The following DCLK3 variants were observed in gnomAD, a reference collection of about 807,000 sequenced individuals.
DCLK3 encodes the protein doublecortin like kinase 3.
A neutral mutation model predicts 46.4 loss-of-function variants in DCLK3; 30 were observed. The observed-to-expected ratio is 0.65, with a 90% CI of 0.48 to 0.88. The LOEUF (loss-of-function observed/expected upper bound fraction) is 0.88. DCLK3 is among the 40% of genes least tolerant of loss of function. DCLK3 has a pLI of 0.00. For synonymous variants in DCLK3, 401 were observed against 339.2 expected, an observed-to-expected ratio of 1.18 and a Z score of -2.00; for missense variants, 846 against 907.1, an observed-to-expected ratio of 0.93 and a Z score of 0.87.
chr3:36,743,995 C>T (rs1187405289), intron 1 of DCLK3, among the ~76,000 whole-genome samples: 2 of 152,214 alleles, frequency 1.3e-5, no homozygotes, highest in Admixed American at 6.5e-5. Flanking sequence ...AGCACAAATG[C>T]CTGAGACCAA....
chr3:36,744,751 C>A (rs1701379219), intron 1 of DCLK3, among the ~76,000 whole-genome samples: 1 of 152,158 alleles, frequency 6.6e-6, no homozygotes, highest in African/African-American at 2.4e-5. Context: ...CTAAATGTGA[C>A]CCAGCAGGAT....
intron 4 of DCLK3, among the ~76,000 whole-genome samples, chr3:36,716,480 T>TC (rs1700981675): frequency 6.6e-6 from 1 of 151,956 alleles, no homozygotes; most frequent in African/African-American, 2.4e-5. Flanking sequence ...GCCACATCAC[T>TC]CCCTCAGGGT....
chr3:36,729,901 G>A (rs1468874538), intron 2 of DCLK3: 1 of 152,356 alleles, frequency 6.6e-6, no homozygotes, highest in Non-Finnish European at 1.5e-5. Flanking sequence ...CACAGGCCAG[G>A]TGCAGTGGCT....
rs1700930467 is a variant in DCLK3 at position 36,713,139 on chromosome 3, T to C, written c.*2189A>G. The C allele has an allele frequency of 2.6e-5, 4 of 152,232 alleles. No homozygotes were observed. The highest frequency in any genetic ancestry group is 2.6e-4 in the Admixed American group (4 of 15,282). The allele number at this position is 152,232 out of a possible 1,614,324, so 9.4% of individuals were successfully genotyped here. On this transcript the variant is annotated 3_prime_UTR_variant, in exon 5 of 5. Coordinates refer to ENST00000636136, the MANE Select transcript of DCLK3 (RefSeq NM_001394672.2). ...AGCCATTTAATTTTAGCTATTCTAA[T>C]GGGTGTATAGTGATATTTCATTGTG... is the stretch of plus-strand genomic sequence containing the variant.
intron 4 of DCLK3, 110 bp from the exon 5 acceptor site, chr3:36,715,631 T>C: frequency 3.3e-5 from 40 of 1,221,810 alleles, no homozygotes; most frequent in Non-Finnish European, 4.3e-5. Flanking sequence ...CACGGCTGGC[T>C]GAAAGCCTCC....
intron 1 of DCLK3, among the ~76,000 whole-genome samples, chr3:36,758,087 T>A (rs1267185711): frequency 6.6e-6 from 1 of 152,148 alleles, no homozygotes; most frequent in African/African-American, 2.4e-5. Flanking sequence ...ATAAAGCTGG[T>A]CATCTATGTC....
chr3:36,726,808 G>A (rs1235027481), intron 2 of DCLK3, among the ~76,000 whole-genome samples: 1 of 152,118 alleles, frequency 6.6e-6, no homozygotes, highest in Non-Finnish European at 1.5e-5. Context: ...AACTGACATA[G>A]CCCAAAAGGA....
chr3:36,718,578 C>T (rs530335849), intron 3 of DCLK3, among the ~76,000 whole-genome samples: 1 of 152,340 alleles, frequency 6.6e-6, no homozygotes, highest in South Asian at 2.1e-4. Context: ...TAGTGAGTCA[C>T]ATGTGGCATG....
chr3:36,753,099 T>G (rs542863007), intron 1 of DCLK3, among the ~76,000 whole-genome samples: 30 of 152,206 alleles, frequency 2.0e-4, no homozygotes, highest in Non-Finnish European at 3.4e-4. Flanking sequence ...ACTGGCTGAA[T>G]TTTTAGTGGA....
Position 36,734,497 on chromosome 3 carries a change from CA to C in DCLK3, c.1959+2710del, listed in dbSNP as rs552688798. Among the ~76,000 whole-genome samples the C allele has an allele frequency of 3.1e-3, 470 of 151,844 alleles. 2 individuals are homozygous for C. The Middle Eastern group carries it at 0.037, about 12-fold the overall frequency. ...AGTTTCTGAAGAAGCCATACCACCA[CA>C]AAAAAAGTTATTTTATTTGAAATAT... On this transcript the variant is annotated intron_variant, in intron 2 of 4. Coordinates refer to ENST00000636136, the MANE Select transcript of DCLK3 (RefSeq NM_001394672.2).
chr3:36,730,187 CAT>C (rs74390944), intron 2 of DCLK3, among the ~76,000 whole-genome samples: 4,728 of 121,158 alleles, frequency 0.039, 88 homozygotes, highest in Non-Finnish European at 0.047. Context: ...GTACATACAC[CAT>C]ATATACACAC....
rs1700928480 is a variant in DCLK3, at chr3:36,712,967, T to C, written c.*2361A>G. 6.6e-6 allele frequency: 1 copy of C among 152,220 alleles called. No homozygotes were observed. Among genetic ancestry groups the C allele is most frequent in the South Asian group, 2.1e-4 (1 of 4,828 alleles). The allele number at this position is 152,220 out of a possible 1,614,324, so 9.4% of individuals were successfully genotyped here. On this transcript the variant is annotated 3_prime_UTR_variant, in exon 5 of 5. Transcript: ENST00000636136. ...AAACATCTAGAAGTGGAATATCATA[T>C]GGTAGGTACATGTTTAACTTTTAAA... is the stretch of plus-strand genomic sequence containing the variant.
At chr3:36,753,794 C>G (rs1701463701) in intron 1 of DCLK3, among the ~76,000 whole-genome samples, 1 of 152,160 alleles carries the variant, frequency 6.6e-6, no homozygotes. Context: ...CTCTGCCTCC[C>G]AAGTGGCTGA....
rs1700961164 is a variant in DCLK3, at chr3:36,715,301, G to C, written c.*27C>G. On this transcript the variant is annotated 3_prime_UTR_variant, in exon 5 of 5. Coordinates refer to ENST00000636136, the MANE Select transcript of DCLK3 (RefSeq NM_001394672.2). ...TTTCTCTGTCCTTGAGCAGAACTGG[G>C]GGCTGGACAGATTCCCAAGGTGGTG... is the stretch of plus-strand genomic sequence containing the variant. 6.2e-7 allele frequency: 1 copy of C among 1,613,228 alleles called. No homozygotes were observed. The highest frequency in any genetic ancestry group is 8.5e-7 in the Non-Finnish European group (1 of 1,179,660).
intron 2 of DCLK3, among the ~76,000 whole-genome samples, chr3:36,728,595 T>C: frequency 6.6e-6 from 1 of 152,278 alleles, no homozygotes. Context: ...TTCTAGCCTT[T>C]GGGCTCCAAG....
intron 4 of DCLK3, 36 bp from the exon 5 acceptor site, chr3:36,715,557 G>A (rs754104952): frequency 6.6e-7 from 1 of 1,507,304 alleles, no homozygotes; most frequent in South Asian, 1.4e-5. Context: ...TGTGATGAAT[G>A]CAGGTGGTTC....
At chr3:36,763,205 A>C (rs779936289) in intron 1 of DCLK3, among the ~76,000 whole-genome samples, 1 of 152,244 alleles carries the variant, frequency 6.6e-6, no homozygotes, top group African/African-American at 2.4e-5. Flanking sequence ...AACAGCTGTC[A>C]TCTTGGACAA....
Position 36,737,649 on chromosome 3 carries a change from G to A in DCLK3, c.1518C>T (p.Pro506=), listed in dbSNP as rs1559390945. The change falls in exon 2 of 5, where the codon CCC becomes CCT. Residue 506 remains proline, a synonymous_variant. Transcript: ENST00000636136. This position sits in a 1 kb window ranked among gnomAD's most constrained non-coding sequence, Gnocchi z 4.4. ...CCATGGGCCGTGGCTTCCGACCGCT[G>A]GGCCGCTCTGGCTTGTTCTCTTCTG... is the stretch of plus-strand genomic sequence containing the variant. ...TRPEENKPER[P]SGRKPRPMGI... The A allele has an allele frequency of 6.2e-7, 1 of 1,613,974 alleles. No individual in the cohort carries two copies. Among genetic ancestry groups the A allele is most frequent in the East Asian group, 2.2e-5 (1 of 44,884 alleles).
chr3:36,757,862 A>G (rs1449843483), intron 1 of DCLK3, among the ~76,000 whole-genome samples: 1 of 151,848 alleles, frequency 6.6e-6, no homozygotes, highest in Non-Finnish European at 1.5e-5. Flanking sequence ...CCCCTCCCAC[A>G]TCGCAGTCAA....
Sources: allele counts gnomAD v4.1 joint callset (sites outside exome capture counted in the v4.1 genomes callset), GRCh38; gene constraint gnomAD v4.1.1; non-coding constraint Gnocchi (gnomAD v3.1); transcripts MANE v1.5; gene names NCBI Gene and HGNC (gene_info 2026-07-23, HGNC 2026-07-21).